The following PREX1 variants were observed in gnomAD, a reference collection of about 807,000 sequenced individuals.
The protein encoded by PREX1 is phosphatidylinositol-3,4,5-trisphosphate dependent Rac exchange factor 1.
A neutral mutation model predicts 198.3 loss-of-function variants in PREX1; 41 were observed. The observed-to-expected ratio is 0.21, with a 90% CI of 0.16 to 0.27. PREX1 has a LOEUF of 0.27. Ranked by LOEUF, PREX1 falls within the 10% of genes least tolerant of loss-of-function variation. The probability of loss-of-function intolerance (pLI) is 1.00; values close to 1 mark genes in which losing one functional copy is unlikely to be tolerated. For missense variants in PREX1, 1,620 were observed against 2,200.7 expected (o/e 0.74, Z 5.28); for synonymous variants, 843 against 887.2 (o/e 0.95, Z 0.89).
At chr20:48,723,693 C>T (rs2089996947) in intron 5 of PREX1, among the ~76,000 whole-genome samples, 1 of 152,234 alleles carries the variant, frequency 6.6e-6, no homozygotes, top group Non-Finnish European at 1.5e-5. Flanking sequence ...CGGGCCATTT[C>T]CTCCACGGGT....
intron 7 of PREX1, among the ~76,000 whole-genome samples, chr20:48,695,031 AAAGTAT>A (rs2089838212): frequency 6.6e-6 from 1 of 152,254 alleles, no homozygotes; most frequent in Admixed American, 6.5e-5. Flanking sequence ...ACTTTGTATT[AAAGTAT>A]AAAATCCACA....
chr20:48,827,738 C>A lies in PREX1; in HGVS notation c.123G>T (p.Arg41=). 1 of 1,314,548 alleles carries A rather than the reference C, an allele frequency of 7.6e-7. No homozygotes were observed. Among genetic ancestry groups the A allele is most frequent in the South Asian group, 2.0e-5 (1 of 49,662 alleles). The allele number at this position is 1,314,548 out of a possible 1,614,324, so 81.4% of individuals were successfully genotyped here. A position where few individuals can be genotyped will look rare whatever the true frequency, so the allele number is the denominator to read the frequency against. The stretch of plus-strand genomic sequence containing the variant: ...GGAGGCGCAGCTGGCGCTCGGACTC[C>A]CGGGCGGCCGCGCACGGGCCGGGGC... ...SSGPGPCAAA[R]ESERQLRLRL... is the part of the protein sequence containing the mutation. The change falls in exon 1 of 40, where the codon CGG becomes CGT. Residue 41 remains arginine, a synonymous_variant. Transcript: ENST00000371941. The surrounding 1 kb of genome is among the most constrained non-coding windows in gnomAD (Gnocchi z 4.1).
At chr20:48,669,804 T>C (rs1288271094) in intron 14 of PREX1, among the ~76,000 whole-genome samples, 6 of 152,118 alleles carry the variant, frequency 3.9e-5, no homozygotes, top group Non-Finnish European at 7.4e-5. Context: ...TGATTAGTTA[T>C]TTTTTCACTG....
rs958809895 is a variant in PREX1, at chr20:48,724,728, A to G, written c.621+1562T>C. 2.0e-5 allele frequency among the ~76,000 whole-genome samples: 3 copies of G among 152,266 alleles called. No homozygotes were observed. In the East Asian group the frequency reaches 5.8e-4, roughly 29 times the overall value. ...CACAGTTTTGCCCACCCTGTCTCTA[A>G]CCACTACAGTACACTGTCTCTTAAT... is the stretch of plus-strand genomic sequence containing the variant. On this transcript the variant is annotated intron_variant, in intron 5 of 39. Coordinates refer to ENST00000371941, the MANE Select transcript of PREX1 (RefSeq NM_020820.4).
rs768042031 is a variant in PREX1, at chr20:48,644,362, G to A, written c.3601+47C>T. ...AAATAAACTAAAACTAAATCTCATG[G>A]GGAGGAGCCTCTCTCCCTGAGCACA... On this transcript the variant is annotated intron_variant, in intron 27 of 39. Transcript: ENST00000371941. 3.4e-6 allele frequency: 5 copies of A among 1,480,604 alleles called. No individual in the cohort carries two copies. The Admixed American group carries it at 6.9e-5, about 21-fold the overall frequency. The allele number at this position is 1,480,604 out of a possible 1,614,324, so 91.7% of individuals were successfully genotyped here.
chr20:48,633,167 C>A (rs4810847), intron 33 of PREX1, among the ~76,000 whole-genome samples: 1 of 152,006 alleles, frequency 6.6e-6, no homozygotes, highest in African/African-American at 2.4e-5. Context: ...AAGCTCTGCC[C>A]GAGCCAATCT....
intron 7 of PREX1, among the ~76,000 whole-genome samples, chr20:48,693,220 A>G (rs2089828742): frequency 1.3e-5 from 2 of 152,022 alleles, no homozygotes; most frequent in Non-Finnish European, 2.9e-5. Context: ...CCATCCATCC[A>G]TCCATCATCC....
chr20:48,827,833 C>G lies in PREX1; in HGVS notation c.28G>C (p.Gly10Arg). Reference sequence around the variant, plus strand: ...GCGCAGTCCCCGGCCCCGTCGCCGCCGGGCTCGCTGCCGCTGGGCGCCTCC... The same window carrying G: ...GCGCAGTCCCCGGCCCCGTCGCCGCGGGGCTCGCTGCCGCTGGGCGCCTCC... MEAPSGSEPGGDGAGDCAHP... is the reference protein window; with the variant it reads MEAPSGSEPRGDGAGDCAHP... Residue 10 changes from glycine to arginine, a missense_variant, in exon 1 of 40, where the codon GGC (glycine) becomes CGC (arginine). This residue lies in a region of PREX1 where 96 missense variants were observed against 98.7 expected (regional missense o/e 0.97). Coordinates refer to ENST00000371941, the MANE Select transcript of PREX1 (RefSeq NM_020820.4). The surrounding 1 kb of genome is among the most constrained non-coding windows in gnomAD (Gnocchi z 4.1). 1 of 992,138 alleles carries G rather than the reference C, an allele frequency of 1.0e-6. No individual in the cohort carries two copies. The highest frequency in any genetic ancestry group is 1.2e-6 in the Non-Finnish European group (1 of 835,476). 61.5% of individuals were successfully genotyped at this position (992,138 alleles called of 1,614,324 possible).
chr20:48,649,724 A>G (rs574508982), intron 24 of PREX1, 148 bp from the exon 25 acceptor site: 1 of 1,097,288 alleles, frequency 9.1e-7, no homozygotes, highest in East Asian at 2.6e-5. Context: ...AGTTACTTCA[A>G]GAAGACTGTT....
rs2089639341 is a variant in PREX1 at position 48,666,189 on chromosome 20, C to A, written c.1738+94G>T. ...CCCAAACCCCCGGGGGTCTAGAGAG[C>A]CACAGACCTGGCTTCAGTCCTCCCA... is the stretch of plus-strand genomic sequence containing the variant. On this transcript the variant is annotated intron_variant, in intron 15 of 39. Coordinates refer to ENST00000371941, the MANE Select transcript of PREX1 (RefSeq NM_020820.4). The surrounding 1 kb of genome is among the most constrained non-coding windows in gnomAD (Gnocchi z 4.3). The A allele has an allele frequency of 2.3e-6, 3 of 1,313,628 alleles. No individual in the cohort carries two copies. Among genetic ancestry groups the A allele is most frequent in the Non-Finnish European group, 3.2e-6 (3 of 947,162 alleles). 81.4% of individuals were successfully genotyped at this position (1,313,628 alleles called of 1,614,324 possible).
upstream of PREX1, among the ~76,000 whole-genome samples, chr20:48,828,611 G>GGT (rs1235238540): frequency 6.6e-6 from 1 of 152,062 alleles, no homozygotes; most frequent in Admixed American, 6.5e-5. Context: ...GTGCTACCAC[G>GGT]ACCTTGGGAA....
intron 26 of PREX1, 41 bp from the exon 27 acceptor site, chr20:48,644,538 T>C (rs909051256): frequency 6.3e-7 from 1 of 1,576,910 alleles, no homozygotes. Flanking sequence ...CACCCTGAGC[T>C]CAGGCCATCT....
chr20:48,651,201 G>A (rs954764115), intron 22 of PREX1, 146 bp from the exon 23 acceptor site: 4 of 1,290,118 alleles, frequency 3.1e-6, no homozygotes, highest in African/African-American at 1.5e-5. Flanking sequence ...AGTAAACTGA[G>A]GCTAAAGGGA....
At chr20:48,652,157 C>T (rs768277490) in intron 21 of PREX1, among the ~76,000 whole-genome samples, 2 of 152,148 alleles carry the variant, frequency 1.3e-5, no homozygotes, top group African/African-American at 2.4e-5. Flanking sequence ...CGCGGCCGTG[C>T]GCAGTGGTGC....
At chr20:48,679,827 G>T in intron 11 of PREX1, 73 bp from the exon 12 acceptor site, 1 of 1,194,354 alleles carries the variant, frequency 8.4e-7, no homozygotes, top group East Asian at 2.3e-5. Flanking sequence ...CCCAGCATTG[G>T]CCTTCACTGC....
chr20:48,811,599 CT>C (rs2090435872), intron 1 of PREX1, among the ~76,000 whole-genome samples: 1 of 150,908 alleles, frequency 6.6e-6, no homozygotes, highest in African/African-American at 2.4e-5. Context: ...TGCATGCACT[CT>C]ACTGACAAGA....
chr20:48,658,132 T>C lies in PREX1; in HGVS notation c.1974+4A>G. On this transcript the variant is annotated splice_donor_region_variant and intron_variant, in intron 17 of 39. Coordinates refer to ENST00000371941, the MANE Select transcript of PREX1 (RefSeq NM_020820.4). ...GTCCCTGCCAGCTCCCCCGAGGGCC[T>C]CACCTCAGCCAGCGAGCCCCTCTGG... 4 of 1,612,392 alleles carry C rather than the reference T, an allele frequency of 2.5e-6. No homozygotes were observed. The highest frequency in any genetic ancestry group is 3.4e-6 in the Non-Finnish European group (4 of 1,179,108).
intron 17 of PREX1, 41 bp downstream of exon 17, chr20:48,658,095 C>T (rs754800522): frequency 8.2e-6 from 13 of 1,583,378 alleles, no homozygotes; most frequent in African/African-American, 1.4e-5. Context: ...CCCGCTCTGC[C>T]ACCTGCACAC....
intron 25 of PREX1, among the ~76,000 whole-genome samples, chr20:48,646,584 G>C (rs764491302): frequency 2.0e-5 from 3 of 151,726 alleles, no homozygotes; most frequent in African/African-American, 7.3e-5. Flanking sequence ...CCAGCTACTC[G>C]GGAGGCTCGT....
Sources: allele counts gnomAD v4.1 joint callset (sites outside exome capture counted in the v4.1 genomes callset), GRCh38; gene constraint gnomAD v4.1.1; regional missense constraint gnomAD v4.1.1; non-coding constraint Gnocchi (gnomAD v3.1); transcripts MANE v1.5; gene names NCBI Gene and HGNC (gene_info 2026-07-23, HGNC 2026-07-21).